GALNT13: variants seen among roughly 807,000 people sequenced by gnomAD.
GALNT13 encodes the protein polypeptide N-acetylgalactosaminyltransferase 13, also known as UDP-GalNAc:polypeptide N-acetylgalactosaminyltransferase 13.
A neutral mutation model predicts 64.2 loss-of-function variants in GALNT13; 28 were observed. The ratio of observed to expected loss-of-function variants is 0.44; its 90% CI spans 0.32 to 0.60. The LOEUF (loss-of-function observed/expected upper bound fraction) is 0.60. Among genes scored for constraint, GALNT13 ranks in the 20% least tolerant of loss-of-function variants. The pLI, the probability that GALNT13 is intolerant of heterozygous loss-of-function variation, is 0.05. For synonymous variants in GALNT13, 214 were observed against 224.6 expected, an observed-to-expected ratio of 0.95 and a Z score of 0.42; for missense variants, 577 against 669.8, an observed-to-expected ratio of 0.86 and a Z score of 1.53.
intron 1 of GALNT13, among the ~76,000 whole-genome samples, chr2:153,883,125 G>A (rs1053640827): frequency 5.4e-5 from 8 of 147,536 alleles, no homozygotes; most frequent in Non-Finnish European, 7.4e-5. Flanking sequence ...GGAAAATATT[G>A]CATTCATAAA....
the GALNT13 span, among the ~76,000 whole-genome samples, chr2:153,557,871 T>C: frequency 6.6e-6 from 1 of 152,038 alleles, no homozygotes; most frequent in African/African-American, 2.4e-5. Flanking sequence ...ATTCCCACAG[T>C]CCCCTCGGCC....
chr2:153,100,108 T>A, the GALNT13 span, among the ~76,000 whole-genome samples: 5 of 152,308 alleles, frequency 3.3e-5, no homozygotes, highest in East Asian at 9.6e-4. Flanking sequence ...TTTGAAAGGA[T>A]CAGATGGTTT....
intron 4 of GALNT13, among the ~76,000 whole-genome samples, chr2:154,232,785 C>T (rs1217116842): frequency 6.6e-6 from 1 of 151,260 alleles, no homozygotes; most frequent in Non-Finnish European, 1.5e-5. Context: ...GTAATACTAG[C>T]ATTTTGGGAA....
intron 3 of GALNT13, among the ~76,000 whole-genome samples, chr2:154,065,156 A>G (rs1359901720): frequency 2.6e-5 from 4 of 152,080 alleles, no homozygotes; most frequent in Non-Finnish European, 4.4e-5. Flanking sequence ...TGTTGAAAGG[A>G]CAGGGAAGAG....
At chr2:153,351,701 G>A in the GALNT13 span, among the ~76,000 whole-genome samples, 2 of 152,116 alleles carry the variant, frequency 1.3e-5, no homozygotes, top group African/African-American at 4.8e-5. Context: ...CAGATAGTTG[G>A]ATCACACAGT....
rs1328374638 is a variant in GALNT13 at position 154,127,284 on chromosome 2, T to C, written c.143-13053T>C. 2.6e-5 allele frequency among the ~76,000 whole-genome samples: 4 copies of C among 152,280 alleles called. No individual in the cohort carries two copies. The East Asian group carries it at 7.7e-4, about 29-fold the overall frequency. On this transcript the variant is annotated intron_variant, in intron 3 of 12. Coordinates refer to ENST00000392825, the MANE Select transcript of GALNT13 (RefSeq NM_052917.4). ...TAAAGCTGTTTTAAAAAGTGACCAC[T>C]GATACGTATTTCTGTAGAGATCTTA...
chr2:154,126,625 A>T lies in GALNT13; in HGVS notation c.143-13712A>T, dbSNP rs1416657065. On this transcript the variant is annotated intron_variant, in intron 3 of 12. Coordinates refer to ENST00000392825, the MANE Select transcript of GALNT13 (RefSeq NM_052917.4). Reference sequence around the variant, plus strand: ...ACTCCAGCCCGGACGACAGAGCGAGACTCCGTCTCAAAAAAACAAAAAAAA... The same window carrying T: ...ACTCCAGCCCGGACGACAGAGCGAGTCTCCGTCTCAAAAAAACAAAAAAAA... Among the ~76,000 whole-genome samples, 4 of 147,012 alleles carry T rather than the reference A, an allele frequency of 2.7e-5. No individual in the cohort carries two copies. The East Asian group carries it at 8.3e-4, about 30-fold the overall frequency.
At chr2:153,528,837 G>C in the GALNT13 span, among the ~76,000 whole-genome samples, 1 of 151,606 alleles carries the variant, frequency 6.6e-6, no homozygotes, top group Non-Finnish European at 1.5e-5. Flanking sequence ...GGTTAATAAA[G>C]AAATTAAGAA....
chr2:153,307,119 G>A, the GALNT13 span, among the ~76,000 whole-genome samples: 369 of 152,198 alleles, frequency 2.4e-3, no homozygotes, highest in Non-Finnish European at 4.4e-3. Flanking sequence ...GAGAACTTTC[G>A]TTTTTCAGCA....
chr2:153,213,139 A>G, the GALNT13 span, among the ~76,000 whole-genome samples: 1 of 152,234 alleles, frequency 6.6e-6, no homozygotes, highest in Non-Finnish European at 1.5e-5. Context: ...AGTCTGCCAC[A>G]TAAGAACCCT....
At chr2:153,771,525 G>T in the GALNT13 span, among the ~76,000 whole-genome samples, 2 of 152,090 alleles carry the variant, frequency 1.3e-5, no homozygotes, top group South Asian at 2.1e-4. Context: ...CTGCAAAGGG[G>T]ATTGTGTAGT....
chr2:153,641,939 A>T, the GALNT13 span, among the ~76,000 whole-genome samples: 3 of 152,080 alleles, frequency 2.0e-5, no homozygotes, highest in South Asian at 4.2e-4. Context: ...TATGTCATAA[A>T]ATTATTCTAT....
intron 4 of GALNT13, among the ~76,000 whole-genome samples, chr2:154,234,376 C>T (rs1035424559): frequency 6.6e-6 from 1 of 152,030 alleles, no homozygotes; most frequent in African/African-American, 2.4e-5. Flanking sequence ...ATGTAGATAT[C>T]GGAGCAGTTT....
intron 3 of GALNT13, among the ~76,000 whole-genome samples, chr2:154,096,408 T>C (rs1267378465): frequency 6.6e-6 from 1 of 152,020 alleles, no homozygotes; most frequent in African/African-American, 2.4e-5. Flanking sequence ...ACTGTGACAT[T>C]GAGATGGCTT....
chr2:153,463,845 G>T, the GALNT13 span, among the ~76,000 whole-genome samples: 1 of 152,020 alleles, frequency 6.6e-6, no homozygotes, highest in South Asian at 2.1e-4. Flanking sequence ...TTCCAAAGTG[G>T]TATTTTATGA....
chr2:153,567,103 T>C, the GALNT13 span, among the ~76,000 whole-genome samples: 14 of 152,212 alleles, frequency 9.2e-5, no homozygotes, highest in African/African-American at 3.4e-4. Flanking sequence ...TCTATCTTAA[T>C]GCCCAAGAAG....
the GALNT13 span, among the ~76,000 whole-genome samples, chr2:153,347,171 G>A: frequency 6.6e-6 from 1 of 152,196 alleles, no homozygotes; most frequent in African/African-American, 2.4e-5. Flanking sequence ...ATTGCATTGG[G>A]CATAAAAGCC....
chr2:153,314,266 T>C, the GALNT13 span, among the ~76,000 whole-genome samples: 2 of 152,048 alleles, frequency 1.3e-5, no homozygotes, highest in Non-Finnish European at 2.9e-5. Context: ...TGAAGAAACA[T>C]GAACAGAGCT....
chr2:154,213,191 C>T (rs1408693881), intron 4 of GALNT13, among the ~76,000 whole-genome samples: 1 of 152,100 alleles, frequency 6.6e-6, no homozygotes, highest in African/African-American at 2.4e-5. Context: ...CAACCTCCAC[C>T]CCCAACCTCA....
Sources: gnomAD v4.1 joint callset for allele counts (sites outside exome capture counted in the v4.1 genomes callset) on GRCh38, gnomAD v4.1.1 for gene constraint, MANE v1.5 for transcripts, NCBI Gene and HGNC (gene_info 2026-07-23, HGNC 2026-07-21) for gene names.